The following THSD7B variants were observed in gnomAD, a reference collection of about 807,000 sequenced individuals.
THSD7B encodes thrombospondin type-1 domain-containing protein 7B.
THSD7B carries 138 observed loss-of-function variants against 213.6 expected under a neutral mutation model. The ratio of observed to expected loss-of-function variants is 0.65; its 90% CI spans 0.56 to 0.74. THSD7B has a LOEUF of 0.74. THSD7B is among the 30% of genes least tolerant of loss of function. The pLI, the probability that THSD7B is intolerant of heterozygous loss-of-function variation, is 0.00. For synonymous variants in THSD7B, 742 were observed against 687.0 expected (o/e 1.08, Z -1.25); for missense variants, 1,931 against 1,991.5 (o/e 0.97, Z 0.58).
chr2:137,085,205 C>G (rs1687816970), intron 3 of THSD7B, among the ~76,000 whole-genome samples: 1 of 152,110 alleles, frequency 6.6e-6, no homozygotes, highest in Non-Finnish European at 1.5e-5. Context: ...ACGCCCTGGT[C>G]CTTGCATAAT....
intron 2 of THSD7B, among the ~76,000 whole-genome samples, chr2:136,964,063 T>C (rs555682856): frequency 1.2e-4 from 19 of 152,338 alleles, no homozygotes; most frequent in African/African-American, 4.3e-4. Context: ...TACACGATTT[T>C]TGTTGCTGAA....
At chr2:137,458,577 G>C (rs1231915537) in intron 15 of THSD7B, among the ~76,000 whole-genome samples, 1 of 152,150 alleles carries the variant, frequency 6.6e-6, no homozygotes, top group Non-Finnish European at 1.5e-5. Context: ...CAAGCGGAAA[G>C]CTTGCTCAAA....
intron 5 of THSD7B, among the ~76,000 whole-genome samples, chr2:137,145,095 G>T (rs1236762370): frequency 6.6e-6 from 1 of 152,042 alleles, no homozygotes; most frequent in East Asian, 1.9e-4. Context: ...CTATTGTTTT[G>T]AGACATAAAG....
intron 2 of THSD7B, among the ~76,000 whole-genome samples, chr2:137,022,450 CA>C (rs1686462482): frequency 6.6e-6 from 1 of 151,790 alleles, no homozygotes. Flanking sequence ...ACACAGAAGT[CA>C]AGTATTTGTA....
At chr2:137,031,676 C>T (rs967263139) in intron 2 of THSD7B, among the ~76,000 whole-genome samples, 3 of 110,590 alleles carry the variant, frequency 2.7e-5, no homozygotes, top group African/African-American at 7.5e-5. Flanking sequence ...AGCATAACAA[C>T]ATGTATTTGA....
chr2:137,629,753 A>G (rs1181822311), intron 20 of THSD7B, among the ~76,000 whole-genome samples: 1 of 152,182 alleles, frequency 6.6e-6, no homozygotes, highest in Non-Finnish European at 1.5e-5. Flanking sequence ...GTCTATTGGC[A>G]TATAAGTATG....
At chr2:137,585,735 T>G (rs1169192097) in intron 17 of THSD7B, among the ~76,000 whole-genome samples, 1 of 152,188 alleles carries the variant, frequency 6.6e-6, no homozygotes, top group African/African-American at 2.4e-5. Flanking sequence ...CTTTTACATT[T>G]GCTGAGGAGT....
chr2:137,653,796 C>A (rs1200350619), intron 21 of THSD7B, among the ~76,000 whole-genome samples: 4 of 151,794 alleles, frequency 2.6e-5, no homozygotes, highest in Non-Finnish European at 5.9e-5. Context: ...TGTTTAATTT[C>A]TCTGATAAAT....
intron 15 of THSD7B, among the ~76,000 whole-genome samples, chr2:137,472,795 A>G (rs1167696070): frequency 6.6e-6 from 1 of 152,198 alleles, no homozygotes; most frequent in Non-Finnish European, 1.5e-5. Context: ...TGTACTTTTT[A>G]TATTCTGTTA....
At chr2:136,767,188 C>T (rs895777938) in intron 1 of THSD7B, among the ~76,000 whole-genome samples, 1 of 152,156 alleles carries the variant, frequency 6.6e-6, no homozygotes, top group Non-Finnish European at 1.5e-5. Flanking sequence ...TTGGTGAAGG[C>T]TTCCTGAAAG....
At chr2:137,510,231 AT>A (rs1468643512) in intron 15 of THSD7B, among the ~76,000 whole-genome samples, 3 of 151,934 alleles carry the variant, frequency 2.0e-5, no homozygotes, top group Non-Finnish European at 4.4e-5. Flanking sequence ...TTTAATAGCC[AT>A]TTTACCCCCC....
At chr2:137,587,450 TC>T (rs1681760773) in intron 17 of THSD7B, among the ~76,000 whole-genome samples, 1 of 152,202 alleles carries the variant, frequency 6.6e-6, no homozygotes, top group Non-Finnish European at 1.5e-5. Context: ...CTCTGTTTTT[TC>T]CCCATCTTTG....
chr2:137,506,399 T>C (rs926599641), intron 15 of THSD7B, among the ~76,000 whole-genome samples: 1 of 152,246 alleles, frequency 6.6e-6, no homozygotes, highest in African/African-American at 2.4e-5. Context: ...TCTTTCCTTC[T>C]TTTGGATTCT....
intron 15 of THSD7B, among the ~76,000 whole-genome samples, chr2:137,473,684 T>A (rs72979698): frequency 0.011 from 1,618 of 152,348 alleles, 21 homozygotes; most frequent in African/African-American, 0.037. Context: ...AGTACAGTTC[T>A]GTGCCACTCT....
At chr2:137,246,939 T>G (rs1682053988) in intron 10 of THSD7B, among the ~76,000 whole-genome samples, 1 of 152,186 alleles carries the variant, frequency 6.6e-6, no homozygotes, top group Non-Finnish European at 1.5e-5. Context: ...GCCCGCCCAG[T>G]CAGAATATCT....
Position 137,205,076 on chromosome 2 carries a change from A to G in THSD7B, c.1724-25968A>G, listed in dbSNP as rs557402350. On this transcript the variant is annotated intron_variant, in intron 7 of 27. Coordinates refer to ENST00000409968, the MANE Select transcript of THSD7B (RefSeq NM_001316349.2). ...ACTCATCCATTTCTTTGTTGACTCC[A>G]GGTAAGCCTGGGCCAGATCCTACCA... Among the ~76,000 whole-genome samples, 167 of 152,190 alleles carry G rather than the reference A, an allele frequency of 1.1e-3. 1 individual carries two copies. The highest frequency in any genetic ancestry group is 3.9e-3 in the African/African-American group (161 of 41,560).
In THSD7B at chr2:137,356,947, TACAC is replaced by T. The variant is rs369031158; in HGVS notation, c.2501-48650_2501-48647del. On this transcript the variant is annotated intron_variant, in intron 12 of 27. Coordinates refer to ENST00000409968, the MANE Select transcript of THSD7B (RefSeq NM_001316349.2). The stretch of plus-strand genomic sequence containing the variant: ...CTCTTTTCCAAGACACACACACACA[TACAC>T]ACACACACACACACAGACACACACA... Among the ~76,000 whole-genome samples, 448 of 113,794 alleles carry T rather than the reference TACAC, an allele frequency of 3.9e-3. 2 individuals are homozygous for T. Among genetic ancestry groups the T allele is most frequent in the Middle Eastern group, 9.8e-3 (2 of 204 alleles). 74.7% of individuals were successfully genotyped at this position (113,794 alleles called of 152,430 possible). A position where few individuals can be genotyped will look rare whatever the true frequency, so the allele number is the denominator to read the frequency against.
intron 17 of THSD7B, among the ~76,000 whole-genome samples, chr2:137,595,489 A>T (rs1028279950): frequency 1.3e-5 from 2 of 152,002 alleles, no homozygotes; most frequent in African/African-American, 4.8e-5. Context: ...GGGGTGAGGT[A>T]ACACATAAAA....
intron 17 of THSD7B, among the ~76,000 whole-genome samples, chr2:137,591,032 T>A (rs1414742514): frequency 6.6e-6 from 1 of 151,772 alleles, no homozygotes; most frequent in African/African-American, 2.4e-5. Context: ...TGTGGAAGAG[T>A]CTTTCTAATT....
Sources: allele counts gnomAD v4.1 joint callset (sites outside exome capture counted in the v4.1 genomes callset), GRCh38; gene constraint gnomAD v4.1.1; transcripts MANE v1.5; gene names NCBI Gene and HGNC (gene_info 2026-07-23, HGNC 2026-07-21).